Variants in PGM1 observed in about 807,000 individuals in gnomAD.
PGM1 encodes the protein phosphoglucomutase 1.
Under a neutral mutation model 55.6 loss-of-function variants are expected in PGM1, and 52 were observed. The observed-to-expected ratio is 0.94, with a 90% CI of 0.75 to 1.18. The LOEUF is 1.18. PGM1 is among the 50% of genes most tolerant of loss of function. The pLI, the probability that PGM1 is intolerant of heterozygous loss-of-function variation, is 0.00. For missense variants in PGM1, 724 were observed against 729.3 expected (o/e 0.99, Z 0.08); for synonymous variants, 287 against 271.7 (o/e 1.06, Z -0.55).
rs755467080 is a variant in PGM1 at position 63,629,974 on chromosome 1, T to G, written c.442T>G (p.Phe148Val). 104 of 1,613,938 alleles carry G rather than the reference T, an allele frequency of 6.4e-5. 2 individuals carry two copies. The Admixed American group carries it at 1.6e-3, about 25-fold the overall frequency. Residue 148 changes from phenylalanine (F) to valine (V), a missense_variant, in exon 3 of 11, where the codon TTC becomes GTC. Coordinates refer to ENST00000371084, the MANE Select transcript of PGM1 (RefSeq NM_002633.3). Reference protein sequence around the residue: ...PAPEAITDKIFQISKTIEEYA... With the variant: ...PAPEAITDKIVQISKTIEEYA... ...TCCAGAAGCAATAACTGATAAAATT[T>G]TCCAAATCAGCAAGACAATTGAAGA...
At chr1:63,647,704 C>T (rs944436595) in intron 7 of PGM1, among the ~76,000 whole-genome samples, 2 of 152,156 alleles carry the variant, frequency 1.3e-5, no homozygotes, top group African/African-American at 2.4e-5. Context: ...TCTTTTCCCA[C>T]AGCCTTGCAG....
chr1:63,633,884 G>C (rs867509529), intron 4 of PGM1, among the ~76,000 whole-genome samples: 1,823 of 37,848 alleles, frequency 0.048, 65 homozygotes, highest in South Asian at 0.082. Flanking sequence ...GTGTGTGTGT[G>C]TGTGTGTGTG....
chr1:63,658,296 G>A (rs1650018621), intron 10 of PGM1, among the ~76,000 whole-genome samples: 1 of 151,378 alleles, frequency 6.6e-6, no homozygotes, highest in African/African-American at 2.4e-5. Context: ...TCATCTCTTT[G>A]GGTATCAGTT....
chr1:63,660,047 A>G lies in PGM1; in HGVS notation c.*372A>G. On this transcript the variant is annotated 3_prime_UTR_variant, in exon 11 of 11. Transcript: ENST00000371084. Reference sequence around the variant, plus strand: ...GGATGTGGCAATGAAATGATGGTGCAAGTTCCTTTCTCTTTTGTGAATCTT... The same window carrying G: ...GGATGTGGCAATGAAATGATGGTGCGAGTTCCTTTCTCTTTTGTGAATCTT... 1 of 301,418 alleles carries G rather than the reference A, an allele frequency of 3.3e-6. No homozygotes were observed. 18.7% of individuals were successfully genotyped at this position (301,418 alleles called of 1,614,324 possible). A position where few individuals can be genotyped will look rare whatever the true frequency, so the allele number is the denominator to read the frequency against.
chr1:63,605,833 A>T (rs1254714784), intron 1 of PGM1, among the ~76,000 whole-genome samples: 1 of 152,122 alleles, frequency 6.6e-6, no homozygotes, highest in East Asian at 1.9e-4. Context: ...TGGCTTCTCA[A>T]AGTGTCAGAA....
At chr1:63,623,573 G>A (rs1332461903) in intron 1 of PGM1, 2 of 1,612,828 alleles carry the variant, frequency 1.2e-6, no homozygotes, top group Non-Finnish European at 1.7e-6. Flanking sequence ...CCAGGAACAA[G>A]TGGATTACGG....
At chr1:63,593,822 C>G in intron 1 of PGM1, 88 bp downstream of exon 1, 3 of 1,323,134 alleles carry the variant, frequency 2.3e-6, no homozygotes, top group Non-Finnish European at 2.9e-6. Flanking sequence ...CGGGGCCGGC[C>G]GCTTCCGCGC....
At position 63,634,594 on chromosome 1, in the gene PGM1, C is replaced by G. The variant is rs12028085; in HGVS notation, c.683-235C>G. Among the ~76,000 whole-genome samples, 1,971 of 152,242 alleles carry G rather than the reference C, an allele frequency of 0.013. 91 individuals carry two copies. The East Asian group carries it at 0.17, about 13-fold the overall frequency. On this transcript the variant is annotated intron_variant, in intron 4 of 10. Transcript: ENST00000371084. ...TTTCCTTTCCTTTCCCCACTCTGCC[C>G]TTCATGAACTGGCCCCACCTTTTCC...
rs1288108294 is a variant in PGM1 at position 63,627,065 on chromosome 1, C to CACA, written c.247-2360_247-2359insACA. The stretch of plus-strand genomic sequence containing the variant: ...GGCATATGGCAGGACCCCCCCCCCC[C>CACA]CACACACACACACACTTTTAAGGCT... On this transcript the variant is annotated intron_variant, in intron 1 of 10. Transcript: ENST00000371084. 4.5e-3 allele frequency among the ~76,000 whole-genome samples: 446 copies of CACA among 98,272 alleles called. 2 individuals are homozygous for CACA. Among genetic ancestry groups the CACA allele is most frequent in the African/African-American group, 0.014 (375 of 27,320 alleles). The allele number at this position is 98,272 out of a possible 152,430, so 64.5% of individuals were successfully genotyped here.
At chr1:63,604,322 A>G (rs997784938) in intron 1 of PGM1, among the ~76,000 whole-genome samples, 1 of 152,184 alleles carries the variant, frequency 6.6e-6, no homozygotes, top group Admixed American at 6.5e-5. Flanking sequence ...CAAGACTAGC[A>G]TGATGGATCC....
At chr1:63,614,648 G>T (rs1648661627) in intron 1 of PGM1, among the ~76,000 whole-genome samples, 1 of 152,084 alleles carries the variant, frequency 6.6e-6, no homozygotes, top group Non-Finnish European at 1.5e-5. Context: ...TTCTAACTTG[G>T]GTTGGCTGAA....
At position 63,636,225 on chromosome 1, in the gene PGM1, C is replaced by T. The variant is rs1649357554; in HGVS notation, c.874-9C>T. 1 of 1,613,264 alleles carries T rather than the reference C, an allele frequency of 6.2e-7. No homozygotes were observed. The highest frequency in any genetic ancestry group is 1.3e-5 in the African/African-American group (1 of 74,928). On this transcript the variant is annotated splice_polypyrimidine_tract_variant and intron_variant, in intron 5 of 10. Transcript: ENST00000371084. The stretch of plus-strand genomic sequence containing the variant: ...AAAGGTCTTTCTTTGATCCTCTCTT[C>T]TCCCCAAGGATCGAAACATGATTCT...
Position 63,654,387 on chromosome 1 carries a change from CTGGGAGTGCCGGGGCCACCATTCGG to C in PGM1, c.1521_1545del (p.Gly508CysfsTer29). On this transcript the variant is annotated frameshift_variant, in exon 10 of 11. Coordinates refer to ENST00000371084, the MANE Select transcript of PGM1 (RefSeq NM_002633.3). LOFTEE classifies it high-confidence loss of function. ...CGAATCGTCTTCCGACTGAGCGGCA[CTGGGAGTGCCGGGGCCACCATTCGG>C]CTGTACATCGATAGCTATGAGAAGG... is the stretch of plus-strand genomic sequence containing the variant. 2 of 1,614,034 alleles carry C rather than the reference CTGGGAGTGCCGGGGCCACCATTCGG, an allele frequency of 1.2e-6. No homozygotes were observed. The highest frequency in any genetic ancestry group is 1.7e-6 in the Non-Finnish European group (2 of 1,179,880).
chr1:63,659,899 T>G lies in PGM1; in HGVS notation c.*224T>G. On this transcript the variant is annotated 3_prime_UTR_variant, in exon 11 of 11. Transcript: ENST00000371084. ...GGGCTTAGATCAATCTCAATTCCTT[T>G]TCATGCCCTCCTGCATTGCTGCTGC... The G allele has an allele frequency of 1.6e-6, 1 of 619,954 alleles. No individual in the cohort carries two copies. Among genetic ancestry groups the G allele is most frequent in the East Asian group, 2.8e-5 (1 of 35,892 alleles). The allele number at this position is 619,954 out of a possible 1,614,324, so 38.4% of individuals were successfully genotyped here. A position where few individuals can be genotyped will look rare whatever the true frequency, so the allele number is the denominator to read the frequency against.
At chr1:63,645,785 T>C (rs573244063) in intron 7 of PGM1, among the ~76,000 whole-genome samples, 1 of 152,314 alleles carries the variant, frequency 6.6e-6, no homozygotes, top group Non-Finnish European at 1.5e-5. Context: ...GAACCAAAAA[T>C]AGAAAGAGAA....
At chr1:63,621,727 C>G (rs1447743983) in intron 1 of PGM1, among the ~76,000 whole-genome samples, 1 of 152,164 alleles carries the variant, frequency 6.6e-6, no homozygotes, top group Non-Finnish European at 1.5e-5. Context: ...TTTTGGCTGA[C>G]TGGTTTTCAA....
Position 63,657,293 on chromosome 1 carries a change from G to C in PGM1, c.1600-2293G>C, listed in dbSNP as rs111634569. Among the ~76,000 whole-genome samples, 657 of 152,248 alleles carry C rather than the reference G, an allele frequency of 4.3e-3. 3 individuals are homozygous for C. Among genetic ancestry groups the C allele is most frequent in the African/African-American group, 0.015 (627 of 41,528 alleles). ...ATTCTATTCCTGCCACTTAATAACT[G>C]TGTGTCCCTGGGTAAGTTGTTACAA... On this transcript the variant is annotated intron_variant, in intron 10 of 10. Coordinates refer to ENST00000371084, the MANE Select transcript of PGM1 (RefSeq NM_002633.3).
chr1:63,640,575 A>G (rs1265257925), intron 7 of PGM1, among the ~76,000 whole-genome samples: 2 of 152,204 alleles, frequency 1.3e-5, no homozygotes, highest in African/African-American at 2.4e-5. Context: ...TAGTATGTAC[A>G]GTAACTTCTT....
At chr1:63,644,906 A>G (rs1649611377) in intron 7 of PGM1, among the ~76,000 whole-genome samples, 1 of 152,198 alleles carries the variant, frequency 6.6e-6, no homozygotes, top group African/African-American at 2.4e-5. Context: ...CAGAGCCTCA[A>G]ATTCAGGTTT....
Sources: allele counts gnomAD v4.1 joint callset (sites outside exome capture counted in the v4.1 genomes callset), GRCh38; gene constraint gnomAD v4.1.1; transcripts MANE v1.5; gene names NCBI Gene and HGNC (gene_info 2026-07-23, HGNC 2026-07-21).